The following METTL2A variants were observed in gnomAD, a reference collection of about 807,000 sequenced individuals.
The protein encoded by METTL2A is methyltransferase 2A, tRNA N3-cytidine, also known as tRNA N(3)-cytidine methyltransferase METTL2A.
A neutral mutation model predicts 49.4 loss-of-function variants in METTL2A; 45 were observed. That is an observed-to-expected ratio of 0.91 (90% CI 0.72 to 1.17). The LOEUF is 1.17. METTL2A is among the 50% of genes most tolerant of loss of function. The pLI is 0.00. For synonymous variants in METTL2A, 118 were observed against 167.5 expected, an observed-to-expected ratio of 0.70 and a Z score of 2.28; for missense variants, 361 against 462.2, an observed-to-expected ratio of 0.78 and a Z score of 2.01.
At chr17:62,440,244 C>G (rs898473830) in intron 5 of METTL2A, among the ~76,000 whole-genome samples, 1 of 152,058 alleles carries the variant, frequency 6.6e-6, no homozygotes, top group Non-Finnish European at 1.5e-5. Flanking sequence ...AGGCTGGCCT[C>G]GAACTCCTGA....
intron 4 of METTL2A, among the ~76,000 whole-genome samples, chr17:62,429,340 G>C (rs1339245685): frequency 6.6e-6 from 1 of 152,136 alleles, no homozygotes; most frequent in Non-Finnish European, 1.5e-5. Context: ...ACCCAGGTTG[G>C]AGTGCAGTGG....
chr17:62,447,577 C>T, intron 7 of METTL2A, 124 bp from the exon 8 acceptor site: 1 of 981,058 alleles, frequency 1.0e-6, no homozygotes, highest in Non-Finnish European at 1.6e-6. Flanking sequence ...AGCTGCTCTT[C>T]CCGAAGCACT....
intron 4 of METTL2A, among the ~76,000 whole-genome samples, chr17:62,429,876 G>A (rs1379808511): frequency 1.3e-5 from 2 of 152,094 alleles, no homozygotes; most frequent in African/African-American, 4.8e-5. Context: ...TTGCCATGTT[G>A]GCTAGGCTGG....
rs541925188 is a variant in METTL2A, at chr17:62,447,406, C to T, written c.917-295C>T. 3.9e-5 allele frequency among the ~76,000 whole-genome samples: 6 copies of T among 152,090 alleles called. No homozygotes were observed. The East Asian group carries it at 5.8e-4, about 15-fold the overall frequency. On this transcript the variant is annotated intron_variant, in intron 7 of 8. Transcript: ENST00000311506. ...TTGCACCCAGCCTAGGCAACAAGAG[C>T]GAAACTCCGTCTCAAAATAAATAAA...
Position 62,435,303 on chromosome 17 carries a change from T to C in METTL2A, c.669+11T>C. 1.9e-6 allele frequency: 3 copies of C among 1,613,974 alleles called. No individual in the cohort carries two copies. The highest frequency in any genetic ancestry group is 2.5e-6 in the Non-Finnish European group (3 of 1,179,890). ...ATAGAACTGGTCCAGGTGAGTACAA[T>C]GGGAAATTACCTATTGGTAATTTCC... On this transcript the variant is annotated intron_variant, in intron 5 of 8. Coordinates refer to ENST00000311506, the MANE Select transcript of METTL2A (RefSeq NM_181725.4).
intron 5 of METTL2A, among the ~76,000 whole-genome samples, chr17:62,440,153 G>A: frequency 6.6e-6 from 1 of 151,862 alleles, no homozygotes; most frequent in South Asian, 2.1e-4. Context: ...AGCCTCCCGA[G>A]TAGCTGGGAT....
chr17:62,447,803 A>G, intron 8 of METTL2A, 37 bp downstream of exon 8: 1 of 1,612,132 alleles, frequency 6.2e-7, no homozygotes, highest in Non-Finnish European at 8.5e-7. Context: ...AAAAGTCCCC[A>G]GTACCAGATG....
At position 62,448,677 on chromosome 17, in the gene METTL2A, G is replaced by A. The variant is rs376499301; in HGVS notation, c.1085G>A (p.Arg362Gln). The A allele has an allele frequency of 2.0e-5, 33 of 1,614,144 alleles. No individual in the cohort carries two copies. In the East Asian group the frequency reaches 4.5e-4, roughly 22 times the overall value. ...VNRGKQLTMY[R>Q]VWIQCKYCKP... ...CGAGGAAAGCAACTGACAATGTACC[G>A]GGTTTGGATTCAGTGCAAATACTGC... Residue 362 changes from arginine (R) to glutamine (Q), a missense_variant, in exon 9 of 9, where the codon CGG becomes CAG. Transcript: ENST00000311506.
chr17:62,429,378 C>T (rs2070649652), intron 4 of METTL2A, among the ~76,000 whole-genome samples: 1 of 152,034 alleles, frequency 6.6e-6, no homozygotes, highest in Admixed American at 6.6e-5. Context: ...GCAACCTCCG[C>T]CTTCCGGGTT....
Position 62,424,328 on chromosome 17 carries a change from CTCATTGGTA to C in METTL2A, c.202+22_202+30del. 6.2e-7 allele frequency: 1 copy of C among 1,613,792 alleles called. No individual in the cohort carries two copies. The highest frequency in any genetic ancestry group is 1.1e-5 in the South Asian group (1 of 90,990). On this transcript the variant is annotated intron_variant, in intron 2 of 8. Coordinates refer to ENST00000311506, the MANE Select transcript of METTL2A (RefSeq NM_181725.4). The stretch of plus-strand genomic sequence containing the variant: ...GAAACAAGGTGCGCTTAAATGGGCT[CTCATTGGTA>C]TCAACAGCCAGCGTACTGCCGAACG...
Position 62,453,319 on chromosome 17 carries a change from A to G in METTL2A, c.*4590A>G, listed in dbSNP as rs1413447384. On this transcript the variant is annotated 3_prime_UTR_variant, in exon 9 of 9. Transcript: ENST00000311506. ...CTAATGATGGGCAGAGGACTGTTAC[A>G]TTTGTTGGGAGGGATTAAAGTATAT... Among the ~76,000 whole-genome samples, 1 of 152,168 alleles carries G rather than the reference A, an allele frequency of 6.6e-6. No homozygotes were observed. Among genetic ancestry groups the G allele is most frequent in the Non-Finnish European group, 1.5e-5 (1 of 68,034 alleles).
At chr17:62,424,045 C>T (rs760022973) in intron 1 of METTL2A, 33 bp downstream of exon 1, 3 of 1,607,122 alleles carry the variant, frequency 1.9e-6, no homozygotes, top group Non-Finnish European at 2.5e-6. Flanking sequence ...CGGCCTGTCG[C>T]TGACCCTCTG....
At chr17:62,441,677 C>A (rs1220698479) in intron 6 of METTL2A, among the ~76,000 whole-genome samples, 8 of 151,338 alleles carry the variant, frequency 5.3e-5, no homozygotes, top group Non-Finnish European at 7.4e-5. Flanking sequence ...AAACTCCTGA[C>A]CTTGTAATCT....
rs532641689 is a variant in METTL2A, at chr17:62,447,891, C to T, written c.982+125C>T. ...TTTAGGCAGGCTGTTTCCTGCGGTT[C>T]CCTGCTGCTCACACCCTCTTCCACC... On this transcript the variant is annotated intron_variant, in intron 8 of 8. Transcript: ENST00000311506. 3 of 1,546,500 alleles carry T rather than the reference C, an allele frequency of 1.9e-6. No individual in the cohort carries two copies. The African/African-American group carries it at 4.1e-5, about 21-fold the overall frequency.
chr17:62,425,767 G>A lies in METTL2A; in HGVS notation c.203-532G>A, dbSNP rs188593130. ...TGTAATCCCAGCACTTTGGGAGGCCGAGGCGGGTGGATCACGAGGTCAGGA... is the reference window on the plus strand; with the variant it reads ...TGTAATCCCAGCACTTTGGGAGGCCAAGGCGGGTGGATCACGAGGTCAGGA... On this transcript the variant is annotated intron_variant, in intron 2 of 8. Coordinates refer to ENST00000311506, the MANE Select transcript of METTL2A (RefSeq NM_181725.4). 8.4e-3 allele frequency among the ~76,000 whole-genome samples: 1,244 copies of A among 148,892 alleles called. 14 individuals carry two copies. The highest frequency in any genetic ancestry group is 0.029 in the African/African-American group (1,187 of 40,638).
Position 62,448,901 on chromosome 17 carries a change from C to A in METTL2A, c.*172C>A. The stretch of plus-strand genomic sequence containing the variant: ...AACCTGGGCAAAATAGTGAGAGACC[C>A]TGTATCTGAAAGTAATAATAAAAAT... On this transcript the variant is annotated 3_prime_UTR_variant, in exon 9 of 9. Transcript: ENST00000311506. 1.2e-6 allele frequency: 1 copy of A among 838,158 alleles called. No individual in the cohort carries two copies. Among genetic ancestry groups the A allele is most frequent in the Non-Finnish European group, 1.7e-6 (1 of 582,776 alleles). 51.9% of individuals were successfully genotyped at this position (838,158 alleles called of 1,614,324 possible).
chr17:62,431,718 G>A (rs566736509), intron 4 of METTL2A, among the ~76,000 whole-genome samples: 22 of 151,858 alleles, frequency 1.4e-4, no homozygotes, highest in South Asian at 4.2e-4. Context: ...GTTGGTTTTC[G>A]TTTTGTTTTG....
chr17:62,451,695 C>G lies in METTL2A; in HGVS notation c.*2966C>G, dbSNP rs2070806847. Among the ~76,000 whole-genome samples the G allele has an allele frequency of 6.6e-6, 1 of 151,600 alleles. No homozygotes were observed. Among genetic ancestry groups the G allele is most frequent in the Admixed American group, 6.6e-5 (1 of 15,210 alleles). ...TCACCTGAGGTCGGGAGTTGGAGAC[C>G]AGCCTGACCAACATGGAGAAACCCC... On this transcript the variant is annotated 3_prime_UTR_variant, in exon 9 of 9. Coordinates refer to ENST00000311506, the MANE Select transcript of METTL2A (RefSeq NM_181725.4).
At position 62,447,727 on chromosome 17, in the gene METTL2A, G is replaced by C. The variant is rs750159036; in HGVS notation, c.943G>C (p.Val315Leu). 1.2e-6 allele frequency: 2 copies of C among 1,614,150 alleles called. No individual in the cohort carries two copies. The highest frequency in any genetic ancestry group is 8.5e-7 in the Non-Finnish European group (1 of 1,180,020). Reference protein sequence around the residue: ...KGQCLSGNFYVRGDGTRVYFF... With the variant: ...KGQCLSGNFYLRGDGTRVYFF... The stretch of plus-strand genomic sequence containing the variant: ...TCAGTGTCTATCTGGAAATTTCTAC[G>C]TGAGAGGTGATGGAACCAGAGTTTA... The change falls in exon 8 of 9, where the codon GTG becomes CTG. Residue 315 changes from valine to leucine, a missense_variant. By Grantham distance (32) the Val-to-Leu change is conservative. Transcript: ENST00000311506.
Sources: gnomAD v4.1 joint callset for allele counts (sites outside exome capture counted in the v4.1 genomes callset) on GRCh38, gnomAD v4.1.1 for gene constraint, MANE v1.5 for transcripts, NCBI Gene and HGNC (gene_info 2026-07-23, HGNC 2026-07-21) for gene names.